INTS4: variants seen among roughly 807,000 people sequenced by gnomAD.
The protein encoded by INTS4 is integrator complex subunit 4, also known as MSTP093.
Under a neutral mutation model 119.5 loss-of-function variants are expected in INTS4, and 70 were observed. The observed-to-expected ratio is 0.59, with a 90% CI of 0.48 to 0.71. The LOEUF is 0.71. Ranked by LOEUF, INTS4 falls within the 30% of genes least tolerant of loss-of-function variation. The pLI is 0.00. For missense variants in INTS4, 867 were observed against 1,173.2 expected (o/e 0.74, Z 3.81); for synonymous variants, 316 against 419.6 (o/e 0.75, Z 3.02).
chr11:77,902,671 T>A (rs1952813071), intron 17 of INTS4, among the ~76,000 whole-genome samples: 1 of 152,196 alleles, frequency 6.6e-6, no homozygotes, highest in African/African-American at 2.4e-5. Context: ...TTTAGTGAAC[T>A]GTAATGTAAC....
At chr11:77,891,577 G>A in intron 20 of INTS4, 104 bp downstream of exon 20, 1 of 1,568,314 alleles carries the variant, frequency 6.4e-7, no homozygotes, top group Non-Finnish European at 8.7e-7. Context: ...CCACTCAGAG[G>A]AACAGCCTAG....
rs753787275 is a variant in INTS4, at chr11:77,986,427, G to A, written c.246+4681C>T. Among the ~76,000 whole-genome samples, 9 of 152,120 alleles carry A rather than the reference G, an allele frequency of 5.9e-5. No homozygotes were observed. The East Asian group carries it at 7.7e-4, about 13-fold the overall frequency. ...GTTCAACCATTGTGGAAGAGAGTGC[G>A]GCAATTCCTCAAGGATCTAGAACTA... On this transcript the variant is annotated intron_variant, in intron 2 of 22. Transcript: ENST00000534064.
intron 11 of INTS4, 120 bp from the exon 12 acceptor site, chr11:77,925,012 T>C: frequency 1.5e-6 from 1 of 653,866 alleles, no homozygotes; most frequent in Non-Finnish European, 2.5e-6. Flanking sequence ...ACAAAGTATG[T>C]GGAAGTTTTT....
At chr11:77,993,952 A>G (rs1361935928) in intron 1 of INTS4, among the ~76,000 whole-genome samples, 1 of 150,844 alleles carries the variant, frequency 6.6e-6, no homozygotes, top group Non-Finnish European at 1.5e-5. Context: ...GTGGAGACAC[A>G]TGGAGCATCA....
intron 15 of INTS4, among the ~76,000 whole-genome samples, chr11:77,917,730 A>G (rs2136471496): frequency 6.6e-6 from 1 of 151,032 alleles, no homozygotes; most frequent in South Asian, 2.1e-4. Context: ...AGAGCAAACA[A>G]TACTGCTTTT....
chr11:77,932,793 A>G (rs896041931), intron 10 of INTS4, among the ~76,000 whole-genome samples: 1 of 152,176 alleles, frequency 6.6e-6, no homozygotes, highest in African/African-American at 2.4e-5. Context: ...GGATGAGTTC[A>G]TGTTCTTTGC....
At chr11:77,876,050 C>T (rs1188245703), downstream of INTS4, among the ~76,000 whole-genome samples, 2 of 151,998 alleles carry the variant, frequency 1.3e-5, no homozygotes, top group Non-Finnish European at 2.9e-5. Context: ...CAGCTCATCA[C>T]TTAAGGAGGG....
At chr11:77,900,239 AC>A (rs1265141719) in intron 18 of INTS4, among the ~76,000 whole-genome samples, 6 of 152,036 alleles carry the variant, frequency 3.9e-5, no homozygotes, top group Non-Finnish European at 8.8e-5. Context: ...AGCTGGGACT[AC>A]TGGTGCATGC....
At chr11:77,981,372 C>A in intron 3 of INTS4, 87 bp downstream of exon 3, 1 of 525,900 alleles carries the variant, frequency 1.9e-6, no homozygotes, top group Non-Finnish European at 3.3e-6. Context: ...CAATAACAAT[C>A]AACACAACAA....
intron 1 of INTS4, among the ~76,000 whole-genome samples, chr11:77,991,900 G>A (rs1361711607): frequency 6.6e-6 from 1 of 152,016 alleles, no homozygotes; most frequent in African/African-American, 2.4e-5. Flanking sequence ...GATTATAGGT[G>A]TGTGCCACCT....
At chr11:77,899,137 A>T (rs1952666199) in intron 18 of INTS4, among the ~76,000 whole-genome samples, 1 of 152,170 alleles carries the variant, frequency 6.6e-6, no homozygotes, top group Non-Finnish European at 1.5e-5. Flanking sequence ...TTATGGGAAC[A>T]AACTGAGGCC....
intron 6 of INTS4, 119 bp from the exon 7 acceptor site, chr11:77,958,953 G>A (rs1954397976): frequency 4.5e-6 from 3 of 669,268 alleles, no homozygotes; most frequent in Admixed American, 4.8e-5. Flanking sequence ...ACTTGTGTGT[G>A]GTTTTAACTT....
chr11:77,975,432 A>C (rs1219982494), intron 4 of INTS4, among the ~76,000 whole-genome samples: 1 of 152,168 alleles, frequency 6.6e-6, no homozygotes, highest in Non-Finnish European at 1.5e-5. Flanking sequence ...GTGGTCAGAA[A>C]ACATACTTTG....
At chr11:77,956,907 T>A (rs939543568) in intron 7 of INTS4, among the ~76,000 whole-genome samples, 11 of 151,932 alleles carry the variant, frequency 7.2e-5, no homozygotes, top group African/African-American at 2.2e-4. Context: ...ACTCTGGGAG[T>A]ACAAACCAAC....
At position 77,952,595 on chromosome 11, in the gene INTS4, C is replaced by G. The variant is rs200214768; in HGVS notation, c.918+3347G>C. 4.7e-4 allele frequency among the ~76,000 whole-genome samples: 72 copies of G among 152,030 alleles called. 1 individual carries two copies. Among genetic ancestry groups the G allele is most frequent in the East Asian group, 3.1e-3 (16 of 5,172 alleles). On this transcript the variant is annotated intron_variant, in intron 8 of 22. Transcript: ENST00000534064. ...ACATAGTAGTAATTATTATTATCAG[C>G]AAGATAAGAATGATTATTTTTTCTG...
At chr11:77,932,437 CA>C (rs1356596203) in intron 10 of INTS4, among the ~76,000 whole-genome samples, 1 of 152,098 alleles carries the variant, frequency 6.6e-6, no homozygotes, top group Non-Finnish European at 1.5e-5. Context: ...GAATGGCGAT[CA>C]TTAAAAAGTC....
At chr11:77,947,238 T>C (rs367682629) in intron 8 of INTS4, among the ~76,000 whole-genome samples, 2 of 152,210 alleles carry the variant, frequency 1.3e-5, no homozygotes, top group South Asian at 2.1e-4. Flanking sequence ...GAAAACCCAT[T>C]TGATGAAATG....
At chr11:77,990,739 T>C (rs967055783) in intron 2 of INTS4, among the ~76,000 whole-genome samples, 2 of 150,214 alleles carry the variant, frequency 1.3e-5, no homozygotes, top group Admixed American at 1.3e-4. Flanking sequence ...GCCACTGCAA[T>C]TAGATATGAG....
intron 2 of INTS4, among the ~76,000 whole-genome samples, chr11:77,985,412 G>A (rs903242852): frequency 6.6e-6 from 1 of 152,030 alleles, no homozygotes; most frequent in Non-Finnish European, 1.5e-5. Flanking sequence ...CCATGTTCAC[G>A]GTTGCTCACA....
Sources: gnomAD v4.1 joint callset for allele counts (sites outside exome capture counted in the v4.1 genomes callset) on GRCh38, gnomAD v4.1.1 for gene constraint, MANE v1.5 for transcripts, NCBI Gene and HGNC (gene_info 2026-07-23, HGNC 2026-07-21) for gene names.